Variants in FLRT2 observed in about 807,000 individuals in gnomAD.
FLRT2 encodes the protein fibronectin leucine rich transmembrane protein 2, also known as leucine-rich repeat transmembrane protein FLRT2.
FLRT2 carries 15 observed loss-of-function variants against 40.0 expected under a neutral mutation model. That is an observed-to-expected ratio of 0.38 (90% confidence interval 0.25 to 0.58). FLRT2 has a LOEUF of 0.58. Ranked by LOEUF, FLRT2 falls within the 20% of genes least tolerant of loss-of-function variation. The pLI is 0.71. For missense variants in FLRT2, 726 were observed against 840.0 expected (o/e 0.86, Z 1.68); for synonymous variants, 380 against 336.8 (o/e 1.13, Z -1.41).
chr14:85,543,142 A>G (rs1889077211), intron 1 of FLRT2, among the ~76,000 whole-genome samples: 1 of 152,274 alleles, frequency 6.6e-6, no homozygotes, highest in Non-Finnish European at 1.5e-5. Flanking sequence ...GCAAATCATG[A>G]AGACTAAGGT....
chr14:85,601,100 A>G (rs546654534), intron 1 of FLRT2, among the ~76,000 whole-genome samples: 2 of 152,318 alleles, frequency 1.3e-5, no homozygotes, highest in African/African-American at 2.4e-5. Flanking sequence ...GAGAATGTTC[A>G]GCTGACCAGG....
intron 1 of FLRT2, among the ~76,000 whole-genome samples, chr14:85,607,107 A>G (rs952581027): frequency 3.3e-5 from 5 of 152,034 alleles, no homozygotes; most frequent in Admixed American, 2.6e-4. Context: ...CCGCTGGAGA[A>G]GACGCCATAT....
chr14:85,578,626 A>G (rs1452860124), intron 1 of FLRT2, among the ~76,000 whole-genome samples: 3 of 152,198 alleles, frequency 2.0e-5, no homozygotes, highest in Non-Finnish European at 4.4e-5. Flanking sequence ...TAGTCATCGT[A>G]GCATCGTGGG....
intron 1 of FLRT2, among the ~76,000 whole-genome samples, chr14:85,533,979 C>T (rs1371234443): frequency 6.6e-6 from 1 of 152,212 alleles, no homozygotes. Flanking sequence ...AAGGAGACCT[C>T]GAGAACCTTT....
At chr14:85,580,048 A>G (rs1276717629) in intron 1 of FLRT2, among the ~76,000 whole-genome samples, 2 of 150,376 alleles carry the variant, frequency 1.3e-5, no homozygotes, top group African/African-American at 4.9e-5. Flanking sequence ...TTTGTCACTC[A>G]GATTTGCATC....
intron 1 of FLRT2, among the ~76,000 whole-genome samples, chr14:85,575,432 A>G (rs1891087282): frequency 1.3e-5 from 2 of 152,182 alleles, no homozygotes; most frequent in African/African-American, 4.8e-5. Flanking sequence ...CTGCAGCTCA[A>G]AAACAAAGTG....
chr14:85,552,735 A>G (rs1435514259), intron 1 of FLRT2: 4 of 152,222 alleles, frequency 2.6e-5, no homozygotes, highest in Non-Finnish European at 5.9e-5. Flanking sequence ...TGGTGCAGAC[A>G]GGTAAGACAC....
At chr14:85,612,383 A>G (rs775445015) in intron 1 of FLRT2, among the ~76,000 whole-genome samples, 15 of 152,242 alleles carry the variant, frequency 9.9e-5, no homozygotes, top group Non-Finnish European at 1.2e-4. Context: ...TTTTAAAGGT[A>G]GCTTTTAAAA....
chr14:85,535,126 C>A (rs1214407059), intron 1 of FLRT2, among the ~76,000 whole-genome samples: 4 of 152,310 alleles, frequency 2.6e-5, no homozygotes, highest in Middle Eastern at 3.4e-3. Context: ...AAAGCCTCTT[C>A]TAAATGGGAG....
intron 1 of FLRT2, among the ~76,000 whole-genome samples, chr14:85,566,833 A>G (rs555341055): frequency 1.3e-5 from 2 of 152,168 alleles, no homozygotes; most frequent in African/African-American, 4.8e-5. Flanking sequence ...TGAAGCAAAC[A>G]TAAATATTTT....
chr14:85,604,836 T>C (rs1364862391), intron 1 of FLRT2, among the ~76,000 whole-genome samples: 1 of 152,134 alleles, frequency 6.6e-6, no homozygotes, highest in Non-Finnish European at 1.5e-5. Context: ...GCTGTGTGTG[T>C]TGGCAGAGGG....
At chr14:85,620,382 C>T (rs1038067089) in intron 1 of FLRT2, among the ~76,000 whole-genome samples, 2 of 151,956 alleles carry the variant, frequency 1.3e-5, no homozygotes, top group Non-Finnish European at 2.9e-5. Context: ...GTAAGCAAAT[C>T]GATCAGTTAT....
At chr14:85,543,150 G>A (rs373441092) in intron 1 of FLRT2, among the ~76,000 whole-genome samples, 28 of 152,208 alleles carry the variant, frequency 1.8e-4, no homozygotes, top group African/African-American at 5.8e-4. Flanking sequence ...TGAAGACTAA[G>A]GTGGATCCTG....
intron 1 of FLRT2, among the ~76,000 whole-genome samples, chr14:85,543,473 A>T (rs2139813110): frequency 6.6e-6 from 1 of 152,028 alleles, no homozygotes; most frequent in African/African-American, 2.4e-5. Flanking sequence ...TCTCCCCACC[A>T]TCAGTGTCCC....
chr14:85,611,969 G>T (rs2139353251), intron 1 of FLRT2, among the ~76,000 whole-genome samples: 1 of 122,750 alleles, frequency 8.1e-6, no homozygotes, highest in African/African-American at 2.9e-5. Context: ...TGTGTATTGG[G>T]ACCACCTTTC....
At position 85,651,537 on chromosome 14, in the gene FLRT2, A is replaced by G. The variant is rs747733884; in HGVS notation, c.*28040A>G. 8.6e-5 allele frequency: 13 copies of G among 152,034 alleles called. No individual in the cohort carries two copies. The highest frequency in any genetic ancestry group is 1.9e-4 in the Non-Finnish European group (13 of 67,984). The allele number at this position is 152,034 out of a possible 1,614,324, so 9.4% of individuals were successfully genotyped here. ...TCTTATACTATGACTCTATATTATTAATTGGGAAGATTTTAGAATACTTAA... is the reference window on the plus strand; with the variant it reads ...TCTTATACTATGACTCTATATTATTGATTGGGAAGATTTTAGAATACTTAA... On this transcript the variant is annotated 3_prime_UTR_variant, in exon 2 of 2. Transcript: ENST00000330753.
chr14:85,563,644 C>T (rs1323753978), intron 1 of FLRT2, among the ~76,000 whole-genome samples: 1 of 152,114 alleles, frequency 6.6e-6, no homozygotes, highest in Non-Finnish European at 1.5e-5. Flanking sequence ...GGGAAGTCCA[C>T]CTACATGATT....
At chr14:85,611,083 A>G (rs1189427815) in intron 1 of FLRT2, among the ~76,000 whole-genome samples, 1 of 152,086 alleles carries the variant, frequency 6.6e-6, no homozygotes, top group Non-Finnish European at 1.5e-5. Flanking sequence ...TTTAGTAGAG[A>G]CAGGGTTTCA....
intron 1 of FLRT2, among the ~76,000 whole-genome samples, chr14:85,539,543 T>C (rs906482576): frequency 1.3e-5 from 2 of 152,058 alleles, no homozygotes; most frequent in East Asian, 3.9e-4. Flanking sequence ...GAGATTGCTT[T>C]GGGGGAAGGA....
Sources: gnomAD v4.1 joint callset for allele counts (sites outside exome capture counted in the v4.1 genomes callset) on GRCh38, gnomAD v4.1.1 for gene constraint, MANE v1.5 for transcripts, NCBI Gene and HGNC (gene_info 2026-07-23, HGNC 2026-07-21) for gene names.